The following VAT1L variants were observed in gnomAD, a reference collection of about 807,000 sequenced individuals.
VAT1L encodes the protein vesicle amine transport 1 like.
VAT1L carries 34 observed loss-of-function variants against 44.1 expected under a neutral mutation model. The ratio of observed to expected loss-of-function variants is 0.77; its 90% confidence interval spans 0.59 to 1.03. VAT1L has a LOEUF of 1.03. Ranked by LOEUF, VAT1L falls within the 50% of genes least tolerant of loss-of-function variation. The pLI, the probability that VAT1L is intolerant of heterozygous loss-of-function variation, is 0.00. For synonymous variants in VAT1L, 253 were observed against 202.2 expected (o/e 1.25, Z -2.13); for missense variants, 615 against 538.8 (o/e 1.14, Z -1.40).
chr16:77,929,004 A>G (rs2017699759), intron 7 of VAT1L, among the ~76,000 whole-genome samples: 1 of 152,096 alleles, frequency 6.6e-6, no homozygotes, highest in South Asian at 2.1e-4. Context: ...TTTAGTAGAG[A>G]TGGGGTTTCA....
chr16:77,879,157 T>C lies in VAT1L; in HGVS notation c.827-12T>C, dbSNP rs771233015. The C allele has an allele frequency of 3.1e-6, 5 of 1,613,874 alleles. No homozygotes were observed. In the African/African-American group the frequency reaches 6.7e-5, roughly 22 times the overall value. On this transcript the variant is annotated splice_polypyrimidine_tract_variant and intron_variant, in intron 5 of 8. Transcript: ENST00000302536. The surrounding 1 kb of genome is among the most constrained non-coding windows in gnomAD (Gnocchi z 4.1). Reference sequence around the variant, plus strand: ...TTAGCAATTGCTTAATGTGGGAATCTTTCATTTTCAGGCTCATCCAACATG... The same window carrying C: ...TTAGCAATTGCTTAATGTGGGAATCCTTCATTTTCAGGCTCATCCAACATG...
chr16:77,946,648 A>G (rs2017970916), intron 7 of VAT1L, among the ~76,000 whole-genome samples: 1 of 152,210 alleles, frequency 6.6e-6, no homozygotes, highest in African/African-American at 2.4e-5. Flanking sequence ...TATATCTAAA[A>G]TGTTTGTTGT....
At chr16:77,846,190 G>A (rs2016756583) in intron 3 of VAT1L, among the ~76,000 whole-genome samples, 2 of 152,174 alleles carry the variant, frequency 1.3e-5, no homozygotes, top group Admixed American at 1.3e-4. Context: ...TAATAAGTGA[G>A]TACATTGTCA....
chr16:77,828,876 G>C (rs2966041), intron 3 of VAT1L, among the ~76,000 whole-genome samples: 146,863 of 152,082 alleles, frequency 0.97, 70,912 homozygotes, highest in East Asian at 1. Flanking sequence ...CATTTTAGCC[G>C]AGCGAAACCC....
chr16:77,854,284 T>C (rs2016835867), intron 3 of VAT1L, among the ~76,000 whole-genome samples: 1 of 152,198 alleles, frequency 6.6e-6, no homozygotes, highest in Admixed American at 6.5e-5. Flanking sequence ...TCACAGCGCA[T>C]ATCACGTGTA....
chr16:77,890,564 T>C (rs2017254017), intron 7 of VAT1L, among the ~76,000 whole-genome samples: 2 of 152,330 alleles, frequency 1.3e-5, no homozygotes, highest in Middle Eastern at 3.4e-3. Flanking sequence ...CTTTCCCCCA[T>C]CTGCCACTTC....
chr16:77,800,462 C>T (rs1235796031), intron 1 of VAT1L: 2 of 152,208 alleles, frequency 1.3e-5, no homozygotes, highest in Non-Finnish European at 2.9e-5. Context: ...CGACTCTGTC[C>T]CTACCCTTCG....
chr16:77,919,702 GT>G (rs1305240742), intron 7 of VAT1L, among the ~76,000 whole-genome samples: 4 of 152,170 alleles, frequency 2.6e-5, no homozygotes, highest in African/African-American at 7.2e-5. Context: ...TAGCTCCTGA[GT>G]TTGCAGAGCA....
intron 7 of VAT1L, among the ~76,000 whole-genome samples, chr16:77,962,530 C>T (rs1048710194): frequency 6.6e-6 from 1 of 151,924 alleles, no homozygotes. Flanking sequence ...CAGTTGGAGT[C>T]CCCCTTTTAT....
chr16:77,940,649 C>T (rs1360905345), intron 7 of VAT1L, among the ~76,000 whole-genome samples: 1 of 152,098 alleles, frequency 6.6e-6, no homozygotes. Flanking sequence ...AGCCCCACAC[C>T]ACTGTCTTTA....
rs112766112 is a variant in VAT1L at position 77,846,433 on chromosome 16, G to A, written c.580-16315G>A. Among the ~76,000 whole-genome samples, 348 of 152,182 alleles carry A rather than the reference G, an allele frequency of 2.3e-3. 1 individual carries two copies. Among genetic ancestry groups the A allele is most frequent in the African/African-American group, 5.9e-3 (246 of 41,516 alleles). On this transcript the variant is annotated intron_variant, in intron 3 of 8. Coordinates refer to ENST00000302536, the MANE Select transcript of VAT1L (RefSeq NM_020927.3). ...ACGATTTCATACTGGTAGGGCTGCC[G>A]TATACTGATGAAAGACAGGATGCCA... is the stretch of plus-strand genomic sequence containing the variant.
intron 2 of VAT1L, among the ~76,000 whole-genome samples, chr16:77,824,015 C>G (rs956788529): frequency 6.6e-6 from 1 of 152,020 alleles, no homozygotes; most frequent in Non-Finnish European, 1.5e-5. Flanking sequence ...AAGAGCGAAA[C>G]TCCATCTCAG....
Position 77,862,761 on chromosome 16 carries a change from C to T in VAT1L, c.593C>T (p.Ala198Val). The T allele has an allele frequency of 6.2e-7, 1 of 1,613,624 alleles. No homozygotes were observed. The highest frequency in any genetic ancestry group is 8.5e-7 in the Non-Finnish European group (1 of 1,179,850). Residue 198 changes from alanine (A) to valine (V), a missense_variant, in exon 4 of 9, where the codon GCT (alanine) becomes GTT (valine). Coordinates refer to ENST00000302536, the MANE Select transcript of VAT1L (RefSeq NM_020927.3). ...TTTTCCTTCCAGGGTCAAGCTGTGG[C>T]TCAGCTGTGTTCCACTGTCCCCAAC... ...SAGGGVGQAV[A>V]QLCSTVPNVT...
intron 3 of VAT1L, among the ~76,000 whole-genome samples, chr16:77,856,325 T>C (rs1468918245): frequency 6.6e-6 from 1 of 152,158 alleles, no homozygotes; most frequent in African/African-American, 2.4e-5. Flanking sequence ...TCTCTGTCCT[T>C]ACTTAGTTGA....
intron 1 of VAT1L, among the ~76,000 whole-genome samples, chr16:77,809,102 G>A (rs2016218401): frequency 6.6e-6 from 1 of 152,200 alleles, no homozygotes; most frequent in Non-Finnish European, 1.5e-5. Flanking sequence ...ACAGGCTCTG[G>A]ATTTACATCA....
At chr16:77,837,360 A>C (rs9935896) in intron 3 of VAT1L, among the ~76,000 whole-genome samples, 2,708 of 152,284 alleles carry the variant, frequency 0.018, 78 homozygotes, top group African/African-American at 0.062. Context: ...ATGTTCATAA[A>C]TTAAACCTCA....
At chr16:77,824,530 C>G (rs545455555) in intron 2 of VAT1L, among the ~76,000 whole-genome samples, 3 of 152,020 alleles carry the variant, frequency 2.0e-5, no homozygotes, top group East Asian at 1.9e-4. Flanking sequence ...TCGAGACAGG[C>G]GGATCATGGG....
Position 77,924,003 on chromosome 16 carries a change from A to G in VAT1L, c.1077+39201A>G, listed in dbSNP as rs115375826. On this transcript the variant is annotated intron_variant, in intron 7 of 8. Coordinates refer to ENST00000302536, the MANE Select transcript of VAT1L (RefSeq NM_020927.3). ...AGGAAATCTATTTATGCAGCTCTGAAACTAGACACACAAGAAGTTGCATCC... is the reference window on the plus strand; with the variant it reads ...AGGAAATCTATTTATGCAGCTCTGAGACTAGACACACAAGAAGTTGCATCC... Among the ~76,000 whole-genome samples, 622 of 151,974 alleles carry G rather than the reference A, an allele frequency of 4.1e-3. 8 individuals are homozygous for G. The highest frequency in any genetic ancestry group is 0.014 in the African/African-American group (589 of 41,438).
In VAT1L at chr16:77,906,613, T is replaced by C. The variant is rs1452301877; in HGVS notation, c.1077+21811T>C. ...GGCAGCTACTGCTGTGAGTGACTGG[T>C]GTTTGATCCCAATCCCTGGGGAAAC... On this transcript the variant is annotated intron_variant, in intron 7 of 8. Transcript: ENST00000302536. 3.9e-5 allele frequency among the ~76,000 whole-genome samples: 6 copies of C among 152,308 alleles called. No individual in the cohort carries two copies. The East Asian group carries it at 1.2e-3, about 29-fold the overall frequency.
Sources: allele counts gnomAD v4.1 joint callset (sites outside exome capture counted in the v4.1 genomes callset), GRCh38; gene constraint gnomAD v4.1.1; non-coding constraint Gnocchi (gnomAD v3.1); transcripts MANE v1.5; gene names NCBI Gene and HGNC (gene_info 2026-07-23, HGNC 2026-07-21).